Variants in FAM167A observed in about 807,000 individuals in gnomAD.
FAM167A encodes family with sequence similarity 167 member A, also known as protein FAM167A.
In FAM167A, 23 loss-of-function variants were observed where a neutral mutation model predicts 14.9. That is an observed-to-expected ratio of 1.55 (90% CI 1.11 to 2.19). FAM167A has a LOEUF of 2.19. Among genes scored for constraint, FAM167A ranks in the 30% most tolerant of loss-of-function variants. The pLI, the probability that FAM167A is intolerant of heterozygous loss-of-function variation, is 0.00. For missense variants in FAM167A, 401 were observed against 281.5 expected (o/e 1.42, Z -3.04); for synonymous variants, 174 against 117.7 (o/e 1.48, Z -3.10).
intron 1 of FAM167A, among the ~76,000 whole-genome samples, chr8:11,458,923 G>A (rs1807433302): frequency 6.6e-6 from 1 of 152,240 alleles, no homozygotes; most frequent in African/African-American, 2.4e-5. Flanking sequence ...AGGCTGGAAC[G>A]GCACTGCCCA....
At chr8:11,439,717 A>C (rs1331314182) in intron 2 of FAM167A, among the ~76,000 whole-genome samples, 1 of 152,228 alleles carries the variant, frequency 6.6e-6, no homozygotes, top group African/African-American at 2.4e-5. Flanking sequence ...CAAACTGCCC[A>C]TTAGGAAGCC....
At chr8:11,432,228 G>T (rs978860314) in intron 2 of FAM167A, among the ~76,000 whole-genome samples, 8 of 152,150 alleles carry the variant, frequency 5.3e-5, no homozygotes, top group African/African-American at 7.2e-5. Flanking sequence ...ACGGCCCAAA[G>T]ATTTTAGGAA....
intron 2 of FAM167A, among the ~76,000 whole-genome samples, chr8:11,440,707 C>T (rs933548048): frequency 6.6e-6 from 1 of 152,216 alleles, no homozygotes; most frequent in Admixed American, 6.5e-5. Flanking sequence ...GATTTCTAAT[C>T]GATTTCCTTG....
At position 11,421,727 on chromosome 8, in the gene FAM167A, C is replaced by T. The variant is rs898227011; in HGVS notation, c.*2646G>A. ...AAGACATGACCACGCATGGCAGTGT[C>T]GGTGGAGAGTTTGCGTTTTACACCC... On this transcript the variant is annotated 3_prime_UTR_variant, in exon 3 of 3. Coordinates refer to ENST00000284486, the MANE Select transcript of FAM167A (RefSeq NM_053279.3). 4 of 398,928 alleles carry T rather than the reference C, an allele frequency of 1.0e-5. No individual in the cohort carries two copies. The highest frequency in any genetic ancestry group is 3.6e-5 in the East Asian group (1 of 28,066). 24.7% of individuals were successfully genotyped at this position (398,928 alleles called of 1,614,324 possible). A position where few individuals can be genotyped will look rare whatever the true frequency, so the allele number is the denominator to read the frequency against.
At chr8:11,472,977 T>C (rs1402346770) in intron 1 of FAM167A, among the ~76,000 whole-genome samples, 5 of 152,220 alleles carry the variant, frequency 3.3e-5, no homozygotes, top group African/African-American at 1.2e-4. Flanking sequence ...AGGCTGGTTT[T>C]GAGGCTGGGA....
chr8:11,439,417 T>C (rs1806285211), intron 2 of FAM167A, among the ~76,000 whole-genome samples: 1 of 152,210 alleles, frequency 6.6e-6, no homozygotes, highest in African/African-American at 2.4e-5. Flanking sequence ...GTCTTGTGCA[T>C]ACCAAGCAGG....
In FAM167A at chr8:11,421,778, A is replaced by G. The variant is rs1563349185; in HGVS notation, c.*2595T>C. ...AGCGATGCTTGGGGATGGCAGAGAG[A>G]TGGATGGATAATGAGTACAACTGCA... On this transcript the variant is annotated 3_prime_UTR_variant, in exon 3 of 3. Coordinates refer to ENST00000284486, the MANE Select transcript of FAM167A (RefSeq NM_053279.3). 2.5e-6 allele frequency: 1 copy of G among 398,796 alleles called. No individual in the cohort carries two copies. Among genetic ancestry groups the G allele is most frequent in the Non-Finnish European group, 4.4e-6 (1 of 226,086 alleles). 24.7% of individuals were successfully genotyped at this position (398,796 alleles called of 1,614,324 possible). A position where few individuals can be genotyped will look rare whatever the true frequency, so the allele number is the denominator to read the frequency against.
chr8:11,427,804 A>G (rs1163236730), intron 2 of FAM167A, among the ~76,000 whole-genome samples: 1 of 152,234 alleles, frequency 6.6e-6, no homozygotes, highest in African/African-American at 2.4e-5. Flanking sequence ...CACATTCATT[A>G]GTTTACTTTT....
intron 1 of FAM167A, among the ~76,000 whole-genome samples, chr8:11,450,581 G>C (rs566237247): frequency 6.6e-6 from 1 of 152,294 alleles, no homozygotes; most frequent in East Asian, 1.9e-4. Context: ...CTTACACCCA[G>C]GGCCTTTGTC....
intron 1 of FAM167A, among the ~76,000 whole-genome samples, chr8:11,462,927 T>G (rs761298155): frequency 2.6e-5 from 4 of 152,216 alleles, no homozygotes; most frequent in South Asian, 2.1e-4. Flanking sequence ...GATGTGTGGG[T>G]TGGCTAAATG....
intron 2 of FAM167A, among the ~76,000 whole-genome samples, chr8:11,439,297 C>T (rs1454889345): frequency 3.9e-5 from 6 of 152,370 alleles, no homozygotes; most frequent in Non-Finnish European, 7.3e-5. Flanking sequence ...CTGGCTGTAT[C>T]GCCCACTTCC....
chr8:11,466,393 C>T (rs1231150495), intron 1 of FAM167A, among the ~76,000 whole-genome samples: 2 of 150,560 alleles, frequency 1.3e-5, no homozygotes, highest in Non-Finnish European at 2.9e-5. Flanking sequence ...GAAGTCCAGC[C>T]CTGGCTGCCC....
upstream of FAM167A, among the ~76,000 whole-genome samples, chr8:11,472,437 G>T (rs1176695167): frequency 2.1e-4 from 26 of 122,510 alleles, no homozygotes; most frequent in African/African-American, 3.7e-4. Flanking sequence ...TGTTTTTTGG[G>T]TTTTTTTTTT....
At chr8:11,457,140 G>A (rs1386729605) in intron 1 of FAM167A, among the ~76,000 whole-genome samples, 1 of 149,744 alleles carries the variant, frequency 6.7e-6, no homozygotes. Context: ...GGCTGGGTTA[G>A]GGGTGTGGGT....
At chr8:11,441,718 A>C (rs1806449779) in intron 2 of FAM167A, among the ~76,000 whole-genome samples, 1 of 152,136 alleles carries the variant, frequency 6.6e-6, no homozygotes, top group Non-Finnish European at 1.5e-5. Context: ...ACCTCAATTT[A>C]TCCATCCATG....
At chr8:11,437,567 T>G (rs752847156) in intron 2 of FAM167A, among the ~76,000 whole-genome samples, 1 of 152,232 alleles carries the variant, frequency 6.6e-6, no homozygotes, top group African/African-American at 2.4e-5. Flanking sequence ...CTTTTTCCAG[T>G]GCACTCTTGA....
At chr8:11,456,116 GTGGGA>G (rs1457547945) in intron 1 of FAM167A, among the ~76,000 whole-genome samples, 8 of 139,652 alleles carry the variant, frequency 5.7e-5, no homozygotes, top group East Asian at 2.2e-4. Flanking sequence ...GTGTGTGAAT[GTGGGA>G]GGTGGTTGCC....
chr8:11,421,831 A>G lies in FAM167A; in HGVS notation c.*2542T>C. The G allele has an allele frequency of 2.5e-6, 1 of 398,788 alleles. No individual in the cohort carries two copies. Among genetic ancestry groups the G allele is most frequent in the African/African-American group, 2.1e-5 (1 of 48,766 alleles). The allele number at this position is 398,788 out of a possible 1,614,324, so 24.7% of individuals were successfully genotyped here. A position where few individuals can be genotyped will look rare whatever the true frequency, so the allele number is the denominator to read the frequency against. ...CAGCACTGTACACATGTGGTGAGCC[A>G]GGAGGCTGGGACGGAGGTTAGGCCA... On this transcript the variant is annotated 3_prime_UTR_variant, in exon 3 of 3. Transcript: ENST00000284486.
intron 1 of FAM167A, among the ~76,000 whole-genome samples, chr8:11,455,187 G>C (rs111485634): frequency 7.5e-6 from 1 of 132,952 alleles, no homozygotes; most frequent in Non-Finnish European, 1.6e-5. Flanking sequence ...GCTGAGTGTG[G>C]GTGGTGGTTG....
Sources: allele counts gnomAD v4.1 joint callset (sites outside exome capture counted in the v4.1 genomes callset), GRCh38; gene constraint gnomAD v4.1.1; transcripts MANE v1.5; gene names NCBI Gene and HGNC (gene_info 2026-07-23, HGNC 2026-07-21).